XXYLT1: variants seen among roughly 807,000 people sequenced by gnomAD.
XXYLT1 encodes UDP-xylose:alpha-xyloside alpha-1,3-xylosyltransferase.
Under a neutral mutation model 28.9 loss-of-function variants are expected in XXYLT1, and 20 were observed. The ratio of observed to expected loss-of-function variants is 0.69; its 90% CI spans 0.49 to 1.00. The LOEUF (loss-of-function observed/expected upper bound fraction) is 1.00. Among genes scored for constraint, XXYLT1 ranks in the 50% least tolerant of loss-of-function variants. The pLI is 0.00. For missense variants in XXYLT1, 542 were observed against 560.1 expected (o/e 0.97, Z 0.33); for synonymous variants, 257 against 253.8 (o/e 1.01, Z -0.12).
Position 195,100,777 on chromosome 3 carries a change from G to C in XXYLT1, c.786-30666C>G, listed in dbSNP as rs144011979. Among the ~76,000 whole-genome samples, 106 of 152,336 alleles carry C rather than the reference G, an allele frequency of 7.0e-4. 3 individuals are homozygous for C. In the East Asian group the frequency reaches 0.02, roughly 29 times the overall value. ...TCCTCGCCCCCAAGCCTTGGACTATGTCTATGGTTGTGGGGTTTATACTGA... is the reference window on the plus strand; with the variant it reads ...TCCTCGCCCCCAAGCCTTGGACTATCTCTATGGTTGTGGGGTTTATACTGA... On this transcript the variant is annotated intron_variant, in intron 3 of 3. Coordinates refer to ENST00000310380, the MANE Select transcript of XXYLT1 (RefSeq NM_152531.5).
At chr3:195,199,340 G>A (rs1041543604) in intron 2 of XXYLT1, among the ~76,000 whole-genome samples, 35 of 152,244 alleles carry the variant, frequency 2.3e-4, no homozygotes, top group Non-Finnish European at 2.2e-4. Flanking sequence ...GGCCGGGCGC[G>A]GTGGCTCACA....
chr3:195,084,717 C>A (rs1715626264), intron 3 of XXYLT1, among the ~76,000 whole-genome samples: 1 of 152,196 alleles, frequency 6.6e-6, no homozygotes, highest in South Asian at 2.1e-4. Flanking sequence ...CCACTACACA[C>A]GATCACAGGA....
chr3:195,143,861 TATAGATATAGA>T (rs1719673398), intron 3 of XXYLT1, among the ~76,000 whole-genome samples: 1 of 100,898 alleles, frequency 9.9e-6, no homozygotes, highest in Non-Finnish European at 2.0e-5. Flanking sequence ...TATAGATATA[TATAGATATAGA>T]TATATATATA....
chr3:195,226,210 G>A (rs1292049635), intron 2 of XXYLT1, among the ~76,000 whole-genome samples: 2 of 152,210 alleles, frequency 1.3e-5, no homozygotes, highest in African/African-American at 4.8e-5. Flanking sequence ...CCTGGAGACA[G>A]ACGCCCAGAA....
At chr3:195,219,194 T>C (rs932907189) in intron 2 of XXYLT1, among the ~76,000 whole-genome samples, 148 of 151,204 alleles carry the variant, frequency 9.8e-4, no homozygotes, top group East Asian at 3.4e-3. Flanking sequence ...AGGGATAGCA[T>C]TGGGAGATAT....
intron 1 of XXYLT1, among the ~76,000 whole-genome samples, chr3:195,243,369 A>G (rs1724868358): frequency 6.6e-6 from 1 of 152,144 alleles, no homozygotes; most frequent in Non-Finnish European, 1.5e-5. Context: ...TAAAAAAAAA[A>G]AGAGATGGTT....
chr3:195,218,320 T>A (rs1354794040), intron 2 of XXYLT1, among the ~76,000 whole-genome samples: 1 of 150,564 alleles, frequency 6.6e-6, no homozygotes, highest in African/African-American at 2.4e-5. Flanking sequence ...AAATGGGATC[T>A]AATTAAACTA....
chr3:195,176,328 G>A lies in XXYLT1; in HGVS notation c.653-19747C>T, dbSNP rs1285351748. Reference sequence around the variant, plus strand: ...TGACCTGAAAGGGAGAAGAGGTGACGTTCCCCTGCCCTGGCATGCATATTA... The same window carrying A: ...TGACCTGAAAGGGAGAAGAGGTGACATTCCCCTGCCCTGGCATGCATATTA... On this transcript the variant is annotated intron_variant, in intron 2 of 3. Coordinates refer to ENST00000310380, the MANE Select transcript of XXYLT1 (RefSeq NM_152531.5). The surrounding 1 kb of genome is among the most constrained non-coding windows in gnomAD (Gnocchi z 4.9). 2.0e-5 allele frequency among the ~76,000 whole-genome samples: 3 copies of A among 152,210 alleles called. No homozygotes were observed. Among genetic ancestry groups the A allele is most frequent in the Non-Finnish European group, 2.9e-5 (2 of 68,038 alleles).
intron 1 of XXYLT1, 102 bp downstream of exon 1, chr3:195,270,453 T>G (rs947195469): frequency 6.0e-6 from 8 of 1,339,582 alleles, no homozygotes; most frequent in Non-Finnish European, 7.6e-6. Flanking sequence ...TCAGGGAAGA[T>G]CCTACCCGCT....
At chr3:195,267,712 C>A (rs6780743) in intron 1 of XXYLT1, among the ~76,000 whole-genome samples, 129,598 of 152,192 alleles carry the variant, frequency 0.85, 55,323 homozygotes, top group East Asian at 0.95. Flanking sequence ...TACTAAGGAA[C>A]AGTGCTTGGA....
At chr3:195,228,637 C>T (rs1159034739) in intron 1 of XXYLT1, among the ~76,000 whole-genome samples, 7 of 151,552 alleles carry the variant, frequency 4.6e-5, no homozygotes, top group East Asian at 1.9e-4. Context: ...TACAGACGCC[C>T]GCCACCACCC....
rs768729168 is a variant in XXYLT1 at position 195,270,709 on chromosome 3, T to G, written c.350A>C (p.Lys117Thr). 25 of 1,590,280 alleles carry G rather than the reference T, an allele frequency of 1.6e-5. No homozygotes were observed. In the African/African-American group the frequency reaches 1.8e-4, roughly 11 times the overall value. Reference protein sequence around the residue: ...KAEHNAALQAKARVALRSLLR... With the variant: ...KAEHNAALQATARVALRSLLR... ...CAGTGAGCGCAGCGCGACGCGGGCC[T>G]TGGCCTGCAGCGCGGCATTGTGCTC... The change falls in exon 1 of 4, where the codon AAG becomes ACG. Residue 117 changes from lysine (K) to threonine (T), a missense_variant. Physicochemically the swap from Lys to Thr is moderately conservative, Grantham distance 78. Transcript: ENST00000310380.
intron 3 of XXYLT1, among the ~76,000 whole-genome samples, chr3:195,114,242 G>A (rs572518652): frequency 1.2e-3 from 181 of 152,268 alleles, no homozygotes; most frequent in Non-Finnish European, 2.0e-3. Context: ...CCCCCTTCTC[G>A]CTCCTCCACG....
intron 3 of XXYLT1, among the ~76,000 whole-genome samples, chr3:195,109,522 ATG>A (rs1235193980): frequency 1.6e-5 from 2 of 125,992 alleles, no homozygotes; most frequent in East Asian, 4.6e-4. Context: ...ATGAGTGTGC[ATG>A]TGTGTGGTGT....
rs1560100649 is a variant in XXYLT1 at position 195,110,281 on chromosome 3, G to GGGGTATATGTGTGTGT, written c.786-40171_786-40170insACACACACATATACCC. ...TGTGTGTGGGTGTGTGGTGTGTGTGGGGTGTATGTGTGCGTGTGTGGTATA... is the reference window on the plus strand; with the variant it reads ...TGTGTGTGGGTGTGTGGTGTGTGTGGGGGTATATGTGTGTGTGGTGTATGTGTGCGTGTGTGGTATA... On this transcript the variant is annotated intron_variant, in intron 3 of 3. Transcript: ENST00000310380. 3.1e-4 allele frequency among the ~76,000 whole-genome samples: 25 copies of GGGGTATATGTGTGTGT among 81,040 alleles called. 7 individuals carry two copies. The highest frequency in any genetic ancestry group is 6.5e-4 in the East Asian group (2 of 3,086). 53.2% of individuals were successfully genotyped at this position (81,040 alleles called of 152,430 possible).
chr3:195,114,034 G>C (rs149640801), intron 3 of XXYLT1, among the ~76,000 whole-genome samples: 8 of 152,220 alleles, frequency 5.3e-5, no homozygotes, highest in Admixed American at 2.0e-4. Flanking sequence ...AATTTGGCTA[G>C]AGCGTACTGA....
rs1376497166 is a variant in XXYLT1 at position 195,256,606 on chromosome 3, A to G, written c.504+13949T>C. 4.1e-6 allele frequency: 4 copies of G among 983,076 alleles called. No homozygotes were observed. The highest frequency in any genetic ancestry group is 4.8e-6 in the Non-Finnish European group (4 of 827,776). 60.9% of individuals were successfully genotyped at this position (983,076 alleles called of 1,614,324 possible). A position where few individuals can be genotyped will look rare whatever the true frequency, so the allele number is the denominator to read the frequency against. On this transcript the variant is annotated intron_variant, in intron 1 of 3. Transcript: ENST00000310380. The surrounding 1 kb of genome is among the most constrained non-coding windows in gnomAD (Gnocchi z 4.2). Reference sequence around the variant, plus strand: ...ATTCAGGATGGGGTCTGGAAAGGGCATGAGCTCTGTAAGCCCCCAGCACTG... The same window carrying G: ...ATTCAGGATGGGGTCTGGAAAGGGCGTGAGCTCTGTAAGCCCCCAGCACTG...
chr3:195,069,601 A>T lies in XXYLT1; in HGVS notation c.*114T>A. The T allele has an allele frequency of 7.0e-7, 1 of 1,437,732 alleles. No homozygotes were observed. The highest frequency in any genetic ancestry group is 9.3e-7 in the Non-Finnish European group (1 of 1,076,258). 89.1% of individuals were successfully genotyped at this position (1,437,732 alleles called of 1,614,324 possible). Reference sequence around the variant, plus strand: ...CAGGAGGTCTCAGCACCTTAATCACAGGACTTCCCTGCGGTGTCTCTCTAG... The same window carrying T: ...CAGGAGGTCTCAGCACCTTAATCACTGGACTTCCCTGCGGTGTCTCTCTAG... On this transcript the variant is annotated 3_prime_UTR_variant, in exon 4 of 4. Coordinates refer to ENST00000310380, the MANE Select transcript of XXYLT1 (RefSeq NM_152531.5).
At chr3:195,146,357 G>A (rs768220336) in intron 3 of XXYLT1, among the ~76,000 whole-genome samples, 26 of 152,232 alleles carry the variant, frequency 1.7e-4, no homozygotes. Flanking sequence ...CTTTCAATGC[G>A]ATGATGTTTA....
Sources: allele counts gnomAD v4.1 joint callset (sites outside exome capture counted in the v4.1 genomes callset), GRCh38; gene constraint gnomAD v4.1.1; non-coding constraint Gnocchi (gnomAD v3.1); transcripts MANE v1.5; gene names NCBI Gene and HGNC (gene_info 2026-07-23, HGNC 2026-07-21).